HEMK2: variants seen among roughly 807,000 people sequenced by gnomAD.
HEMK2 encodes HemK methyltransferase 2, ETF1 glutamine and histone H4 lysine, also known as methyltransferase HEMK2.
chr21:28,847,412 T>C, the HEMK2 span, among the ~76,000 whole-genome samples: 16 of 152,340 alleles, frequency 1.1e-4, no homozygotes, highest in South Asian at 2.1e-3. Context: ...TTGGCCATGG[T>C]TACATCTTCT....
the HEMK2 span, among the ~76,000 whole-genome samples, chr21:28,683,322 G>C: frequency 2.6e-5 from 4 of 152,204 alleles, no homozygotes; most frequent in East Asian, 7.7e-4. Flanking sequence ...TAAAGAAATA[G>C]GTCAAAAAGC....
At chr21:28,627,735 C>T in the HEMK2 span, among the ~76,000 whole-genome samples, 5 of 152,130 alleles carry the variant, frequency 3.3e-5, no homozygotes, top group Non-Finnish European at 7.4e-5. Flanking sequence ...AGGAAAACCC[C>T]AAGTTACCAC....
At chr21:28,847,263 C>A in the HEMK2 span, among the ~76,000 whole-genome samples, 744 of 152,274 alleles carry the variant, frequency 4.9e-3, 5 homozygotes, top group African/African-American at 0.017. Context: ...ATTCCCTTTT[C>A]TCTGCAACCT....
chr21:28,580,151 C>T, the HEMK2 span, among the ~76,000 whole-genome samples: 2 of 152,250 alleles, frequency 1.3e-5, no homozygotes, highest in South Asian at 4.1e-4. Context: ...ACACTTCTTA[C>T]GTAACTGAGC....
At chr21:28,642,771 T>C in the HEMK2 span, among the ~76,000 whole-genome samples, 15 of 152,328 alleles carry the variant, frequency 9.8e-5, no homozygotes, top group Non-Finnish European at 1.6e-4. Context: ...TGCCTCTAAC[T>C]GTAGTCTCTG....
At chr21:28,783,405 G>A in the HEMK2 span, among the ~76,000 whole-genome samples, 6 of 152,084 alleles carry the variant, frequency 3.9e-5, no homozygotes, top group Admixed American at 6.5e-5. Flanking sequence ...GGCTGGTCTC[G>A]AACTCCTGAC....
chr21:28,590,707 C>T, the HEMK2 span, among the ~76,000 whole-genome samples: 232 of 152,282 alleles, frequency 1.5e-3, no homozygotes, highest in Middle Eastern at 3.4e-3. Flanking sequence ...TTGCCAAAGT[C>T]ATCACTGATG....
At chr21:28,675,703 G>A in the HEMK2 span, among the ~76,000 whole-genome samples, 1 of 152,254 alleles carries the variant, frequency 6.6e-6, no homozygotes, top group Admixed American at 6.5e-5. Flanking sequence ...CAAACCCTGG[G>A]CCCAGTCCAT....
chr21:28,709,197 G>T, the HEMK2 span, among the ~76,000 whole-genome samples: 2 of 152,318 alleles, frequency 1.3e-5, no homozygotes, highest in African/African-American at 4.8e-5. Flanking sequence ...TGGGGATTAG[G>T]ATTTCAACTC....
At chr21:28,818,712 G>A in the HEMK2 span, among the ~76,000 whole-genome samples, 1 of 152,114 alleles carries the variant, frequency 6.6e-6, no homozygotes, top group Non-Finnish European at 1.5e-5. Context: ...AGCCTCACAG[G>A]GACTGCATCA....
At chr21:28,726,849 C>A in the HEMK2 span, among the ~76,000 whole-genome samples, 7 of 135,024 alleles carry the variant, frequency 5.2e-5, no homozygotes, top group Admixed American at 4.9e-4. Flanking sequence ...CCAGCCTGGG[C>A]AACAGAGTAG....
At chr21:28,714,056 AG>A in the HEMK2 span, among the ~76,000 whole-genome samples, 1 of 152,226 alleles carries the variant, frequency 6.6e-6, no homozygotes, top group Non-Finnish European at 1.5e-5. Flanking sequence ...CCAGAATAAT[AG>A]GTAACAGTTA....
chr21:28,715,765 T>C, the HEMK2 span, among the ~76,000 whole-genome samples: 1 of 152,238 alleles, frequency 6.6e-6, no homozygotes, highest in Non-Finnish European at 1.5e-5. Context: ...ACCACGTTTA[T>C]AGTTTTAGGT....
chr21:28,784,045 C>T, the HEMK2 span, among the ~76,000 whole-genome samples: 1 of 152,182 alleles, frequency 6.6e-6, no homozygotes, highest in Admixed American at 6.5e-5. Flanking sequence ...CCCCCCACGG[C>T]GGTGGGCTCC....
At chr21:28,755,329 A>C in the HEMK2 span, among the ~76,000 whole-genome samples, 1 of 152,188 alleles carries the variant, frequency 6.6e-6, no homozygotes, top group Non-Finnish European at 1.5e-5. Flanking sequence ...CATGTTAAAA[A>C]CATGTGTGTC....
At chr21:28,585,139 C>T in the HEMK2 span, among the ~76,000 whole-genome samples, 52 of 152,176 alleles carry the variant, frequency 3.4e-4, no homozygotes, top group African/African-American at 1.3e-3. Context: ...CAAGACCAGC[C>T]TGTCCAACAT....
At chr21:28,704,921 A>C in the HEMK2 span, among the ~76,000 whole-genome samples, 1 of 152,208 alleles carries the variant, frequency 6.6e-6, no homozygotes, top group South Asian at 2.1e-4. Context: ...CTGGCTTGGC[A>C]AACTGCCTCA....
At chr21:28,665,623 T>A in the HEMK2 span, among the ~76,000 whole-genome samples, 1 of 151,706 alleles carries the variant, frequency 6.6e-6, no homozygotes, top group Non-Finnish European at 1.5e-5. Flanking sequence ...TAGGAACACT[T>A]TTACACTGTT....
the HEMK2 span, among the ~76,000 whole-genome samples, chr21:28,850,611 GC>G: frequency 2.6e-4 from 39 of 152,296 alleles, no homozygotes; most frequent in African/African-American, 9.1e-4. Flanking sequence ...ATAAGCAAAT[GC>G]TAAGGTGATT....
Sources: gnomAD v4.1 joint callset for allele counts (sites outside exome capture counted in the v4.1 genomes callset) on GRCh38, gnomAD v4.1.1 for gene constraint, MANE v1.5 for transcripts, NCBI Gene and HGNC (gene_info 2026-07-23, HGNC 2026-07-21) for gene names.